Variants in CSMD3 observed in about 807,000 individuals in gnomAD.
CSMD3 encodes CUB and Sushi multiple domains 3.
In CSMD3, 177 loss-of-function variants were observed where a neutral mutation model predicts 435.2. The ratio of observed to expected loss-of-function variants is 0.41; its 90% CI spans 0.36 to 0.46. The LOEUF is 0.46. Ranked by LOEUF, CSMD3 falls within the 20% of genes least tolerant of loss-of-function variation. The pLI, the probability that CSMD3 is intolerant of heterozygous loss-of-function variation, is 0.34. For missense variants in CSMD3, 4,265 were observed against 4,504.6 expected, an observed-to-expected ratio of 0.95 and a Z score of 1.52; for synonymous variants, 1,656 against 1,520.5, an observed-to-expected ratio of 1.09 and a Z score of -2.07.
chr8:112,928,832 T>C (rs1423226004), intron 9 of CSMD3, among the ~76,000 whole-genome samples: 23 of 149,140 alleles, frequency 1.5e-4, no homozygotes, highest in African/African-American at 5.4e-4. Flanking sequence ...CAAATGGTAT[T>C]TCTAGTTCTA....
intron 13 of CSMD3, among the ~76,000 whole-genome samples, chr8:112,693,702 G>C (rs1217826807): frequency 6.6e-6 from 1 of 151,156 alleles, no homozygotes; most frequent in African/African-American, 2.4e-5. Flanking sequence ...TTCAGTTCTA[G>C]GAAATTGTTA....
chr8:113,419,400 G>T (rs1048652305), intron 1 of CSMD3, among the ~76,000 whole-genome samples: 6 of 152,088 alleles, frequency 3.9e-5, no homozygotes, highest in African/African-American at 1.4e-4. Context: ...TTACAGGCGT[G>T]AACCACTGTG....
At chr8:113,386,017 G>A (rs1328440855) in intron 1 of CSMD3, among the ~76,000 whole-genome samples, 1 of 152,006 alleles carries the variant, frequency 6.6e-6, no homozygotes, top group African/African-American at 2.4e-5. Context: ...ATAAAGTTGA[G>A]ATAGTCAAAT....
At chr8:112,844,735 T>C (rs2080270429) in intron 11 of CSMD3, among the ~76,000 whole-genome samples, 1 of 151,930 alleles carries the variant, frequency 6.6e-6, no homozygotes, top group Non-Finnish European at 1.5e-5. Flanking sequence ...TCTCTGTTAA[T>C]GCGTTTTCTG....
At chr8:113,223,170 ATTAATATTTACTCAAAATATAGCTCATT>A (rs1489491663) in intron 3 of CSMD3, among the ~76,000 whole-genome samples, 1 of 150,690 alleles carries the variant, frequency 6.6e-6, no homozygotes, top group Non-Finnish European at 1.5e-5. Flanking sequence ...TTTTGAATGA[ATTAATATTTACTCAAAATATAGCTCATT>A]TTAATATTTA....
intron 22 of CSMD3, among the ~76,000 whole-genome samples, chr8:112,624,528 C>T (rs972811324): frequency 9.2e-5 from 14 of 152,060 alleles, no homozygotes; most frequent in African/African-American, 3.4e-4. Context: ...CAAATCTATT[C>T]TTTACATCTA....
intron 2 of CSMD3, among the ~76,000 whole-genome samples, chr8:113,306,934 T>C (rs1032323376): frequency 6.6e-5 from 10 of 152,048 alleles, no homozygotes; most frequent in African/African-American, 2.2e-4. Flanking sequence ...ATAATAAATA[T>C]GAATTGTGAC....
intron 38 of CSMD3, among the ~76,000 whole-genome samples, chr8:112,370,390 C>T (rs1395015348): frequency 6.6e-6 from 1 of 152,152 alleles, no homozygotes; most frequent in Non-Finnish European, 1.5e-5. Flanking sequence ...ATGGTAATAC[C>T]TTGTAAATCA....
intron 23 of CSMD3, among the ~76,000 whole-genome samples, chr8:112,579,219 A>C (rs549980818): frequency 6.6e-6 from 1 of 152,202 alleles, no homozygotes; most frequent in Non-Finnish European, 1.5e-5. Flanking sequence ...TGAAAAAAAT[A>C]TTTCTTCAAT....
rs1231535943 is a variant in CSMD3, at chr8:113,311,904, TATAA to T, written c.401+2663_401+2666del. ...GAATATAGTCTTGTCATTTTGCTTG[TATAA>T]ATAGAGTACATGTATGAATATAGTC... On this transcript the variant is annotated intron_variant, in intron 2 of 70. Coordinates refer to ENST00000297405, the MANE Select transcript of CSMD3 (RefSeq NM_198123.2). 12 of 152,260 alleles carry T rather than the reference TATAA, an allele frequency of 7.9e-5. No individual in the cohort carries two copies. The South Asian group carries it at 1.2e-3, about 16-fold the overall frequency. The allele number at this position is 152,260 out of a possible 1,614,324, so 9.4% of individuals were successfully genotyped here.
intron 13 of CSMD3, among the ~76,000 whole-genome samples, chr8:112,792,458 A>G (rs2132295146): frequency 6.6e-6 from 1 of 152,278 alleles, no homozygotes; most frequent in South Asian, 2.1e-4. Context: ...AGAAGGACTC[A>G]TTCTTATGAT....
At chr8:112,633,866 C>A (rs1237367211) in intron 22 of CSMD3, among the ~76,000 whole-genome samples, 1 of 151,940 alleles carries the variant, frequency 6.6e-6, no homozygotes, top group African/African-American at 2.4e-5. Context: ...TAGTTTCATA[C>A]TTTGTATAAA....
In CSMD3 at chr8:112,492,632, C is replaced by G. The variant is rs569163813; in HGVS notation, c.5135G>C (p.Arg1712Thr). The G allele has an allele frequency of 6.2e-7, 1 of 1,613,926 alleles. No homozygotes were observed. The highest frequency in any genetic ancestry group is 2.2e-5 in the East Asian group (1 of 44,860). Residue 1712 changes from arginine (R) to threonine (T), a missense_variant, in exon 31 of 71, where the codon AGA (arginine) becomes ACA (threonine). Arg to Thr is a moderately conservative substitution (Grantham distance 71, BLOSUM62 -1). Around this residue, in one of 3 missense-constraint regions of CSMD3, gnomAD observed 3,255 missense variants for 3,380.2 expected, o/e 0.96. Transcript: ENST00000297405. Reference protein sequence around the residue: ...FDPGNIMNGTRLGMDYKLGST... With the variant: ...FDPGNIMNGTTLGMDYKLGST... Reference sequence around the variant, plus strand: ...CCCTAATTTATAATCCATTCCAAGTCTGGTGCCATTCATTATATTGCCTGG... The same window carrying G: ...CCCTAATTTATAATCCATTCCAAGTGTGGTGCCATTCATTATATTGCCTGG...
At chr8:112,609,979 C>G (rs114067002) in intron 22 of CSMD3, among the ~76,000 whole-genome samples, 3,142 of 152,000 alleles carry the variant, frequency 0.021, 113 homozygotes, top group African/African-American at 0.071. Flanking sequence ...CTCGAACTCA[C>G]AGAAACAGAG....
In CSMD3 at chr8:112,234,373, C is replaced by T. The variant is rs777073366; in HGVS notation, c.10732G>A (p.Asp3578Asn). ...KKMKEENWAM[D>N]GFVSAEPDGA... ...AAAATAACTATACTTACAAAGCCATCCATTGCCCAATTTTCTTCCTTCATT... is the reference window on the plus strand; with the variant it reads ...AAAATAACTATACTTACAAAGCCATTCATTGCCCAATTTTCTTCCTTCATT... The change falls in exon 68 of 71, where the codon GAT (aspartate) becomes AAT (asparagine). Residue 3578 changes from aspartate (D) to asparagine (N), a missense_variant. Coordinates refer to ENST00000297405, the MANE Select transcript of CSMD3 (RefSeq NM_198123.2). The T allele has an allele frequency of 6.3e-7, 1 of 1,598,708 alleles. No homozygotes were observed. Among genetic ancestry groups the T allele is most frequent in the South Asian group, 1.1e-5 (1 of 90,768 alleles).
At chr8:112,609,089 C>A (rs188926507) in intron 22 of CSMD3, among the ~76,000 whole-genome samples, 1 of 150,614 alleles carries the variant, frequency 6.6e-6, no homozygotes, top group Non-Finnish European at 1.5e-5. Flanking sequence ...GTAATCCCAG[C>A]TACTCAGGAG....
intron 22 of CSMD3, among the ~76,000 whole-genome samples, chr8:112,617,313 A>C (rs1023045463): frequency 6.6e-6 from 1 of 152,200 alleles, no homozygotes; most frequent in Non-Finnish European, 1.5e-5. Context: ...ATTTGGGCAA[A>C]ATATTGGCAA....
At chr8:112,681,826 C>A (rs539228392) in intron 16 of CSMD3, among the ~76,000 whole-genome samples, 4 of 152,146 alleles carry the variant, frequency 2.6e-5, no homozygotes, top group African/African-American at 9.6e-5. Flanking sequence ...GAGATTGCAC[C>A]ATTGCATTCC....
rs1171790502 is a variant in CSMD3, at chr8:112,425,595, T to G, written c.5396-16563A>C. Among the ~76,000 whole-genome samples the G allele has an allele frequency of 2.0e-5, 3 of 152,198 alleles. No homozygotes were observed. The East Asian group carries it at 5.8e-4, about 29-fold the overall frequency. On this transcript the variant is annotated intron_variant, in intron 32 of 70. Transcript: ENST00000297405. ...CCAAGGGAGACTTATGCTGCTAACA[T>G]TCATATCCAGTGCCTCTTGAATTAA...
Sources: allele counts gnomAD v4.1 joint callset (sites outside exome capture counted in the v4.1 genomes callset), GRCh38; gene constraint gnomAD v4.1.1; regional missense constraint gnomAD v4.1.1; transcripts MANE v1.5; gene names NCBI Gene and HGNC (gene_info 2026-07-23, HGNC 2026-07-21).